The following DMRTC1 variants were observed in gnomAD, a reference collection of about 807,000 sequenced individuals.
DMRTC1 encodes DMRT like family C1, also known as doublesex- and mab-3-related transcription factor C1.
For missense variants in DMRTC1, 9 were observed against 34.6 expected (o/e 0.26, Z 1.86); for synonymous variants, 7 against 14.1 (o/e 0.50, Z 1.13).
In DMRTC1 at chrX:72,881,383, A is replaced by G. The variant is rs1708165836; in HGVS notation, c.-94-5595T>C. On this transcript the variant is annotated intron_variant, in intron 1 of 6. Coordinates refer to ENST00000615063, the MANE Select transcript of DMRTC1 (RefSeq NM_033053.3). ...CTGATGCCTAGATTCACGTTGTCTC[A>G]TTGCTTTATCTCTCAGTAATTTTTT... Among the ~76,000 whole-genome samples, 2 of 16,978 alleles carry G rather than the reference A, an allele frequency of 1.2e-4. 1 individual carries two copies. The highest frequency in any genetic ancestry group is 2.5e-4 in the African/African-American group (2 of 8,137). 14.7% of individuals were successfully genotyped at this position (16,978 alleles called of 115,157 possible). A position where few individuals can be genotyped will look rare whatever the true frequency, so the allele number is the denominator to read the frequency against.
chrX:72,879,147 G>GTTTTTTTTTT (rs781972795), intron 1 of DMRTC1, among the ~76,000 whole-genome samples: 50 of 12,773 alleles, frequency 3.9e-3, no homozygotes, highest in East Asian at 7.8e-3. Context: ...TTTTTTGTTT[G>GTTTTTTTTTT]TTTTTTTTTT....
chrX:72,879,731 T>TTTCC (rs2054835484), intron 1 of DMRTC1, among the ~76,000 whole-genome samples: 1 of 58,749 alleles, frequency 1.7e-5, no homozygotes, highest in Non-Finnish European at 4.2e-5. Flanking sequence ...CTTTCTTTCT[T>TTTCC]TTCCTTTCTT....
At chrX:72,881,914 C>T (rs1167985635) in intron 1 of DMRTC1, among the ~76,000 whole-genome samples, 1 of 114,060 alleles carries the variant, frequency 8.8e-6, no homozygotes, top group African/African-American at 3.2e-5. Context: ...CTCTAGTTAT[C>T]GGTGATGCTG....
chrX:72,886,790 G>A (rs1556353359), intron 1 of DMRTC1, among the ~76,000 whole-genome samples: 1 of 58,465 alleles, frequency 1.7e-5, no homozygotes, highest in African/African-American at 7.8e-5. Context: ...TGGTATTTTG[G>A]GTGGGATTGC....
Position 72,874,826 on chromosome X carries a change from T to C in DMRTC1, c.256A>G (p.Ile86Val). The C allele has an allele frequency of 5.1e-6, 1 of 195,770 alleles. No homozygotes were observed. Among genetic ancestry groups the C allele is most frequent in the Non-Finnish European group, 6.2e-6 (1 of 161,221 alleles). 16.1% of individuals were successfully genotyped at this position (195,770 alleles called of 1,213,427 possible). A position where few individuals can be genotyped will look rare whatever the true frequency, so the allele number is the denominator to read the frequency against. ...DPHRAPALPS[I>V]CSTLILQPCA... ...CTCCATGGTCCTCACGCTACTCACA[T>C]GCTGGGCAGGGCAGGGGCCCTGTGG... Residue 86 changes from isoleucine to valine, a missense_variant and splice_region_variant, in exon 4 of 7, where the codon ATA becomes GTA. Physicochemically the swap from Ile to Val is conservative, Grantham distance 29. Coordinates refer to ENST00000615063, the MANE Select transcript of DMRTC1 (RefSeq NM_033053.3).
rs1452390042 is a variant in DMRTC1, at chrX:72,902,877, T to C, written c.-94-27089A>G. On this transcript the variant is annotated intron_variant, in intron 1 of 6. Transcript: ENST00000615063. Reference sequence around the variant, plus strand: ...AGGGAATACTTCTGAACTCATTCTATGAGTGTTTTCCTGATACCAAAACCA... The same window carrying C: ...AGGGAATACTTCTGAACTCATTCTACGAGTGTTTTCCTGATACCAAAACCA... Among the ~76,000 whole-genome samples the C allele has an allele frequency of 2.2e-4, 12 of 53,572 alleles. 2 individuals carry two copies. The highest frequency in any genetic ancestry group is 1.4e-3 in the African/African-American group (11 of 8,067). The allele number at this position is 53,572 out of a possible 115,157, so 46.5% of individuals were successfully genotyped here.
chrX:72,916,541 C>T lies in DMRTC1; in HGVS notation c.-95+27034G>A, dbSNP rs1248552040. On this transcript the variant is annotated intron_variant, in intron 1 of 6. Transcript: ENST00000615063. ...CCAATCTCCTCCCACACTGCACCCACTGGGGACTTGTTTTGACTGGTAAAA... is the reference window on the plus strand; with the variant it reads ...CCAATCTCCTCCCACACTGCACCCATTGGGGACTTGTTTTGACTGGTAAAA... Among the ~76,000 whole-genome samples, 150 of 90,187 alleles carry T rather than the reference C, an allele frequency of 1.7e-3. 8 individuals are homozygous for T. The highest frequency in any genetic ancestry group is 7.9e-3 in the African/African-American group (142 of 18,046). The allele number at this position is 90,187 out of a possible 115,157, so 78.3% of individuals were successfully genotyped here. A position where few individuals can be genotyped will look rare whatever the true frequency, so the allele number is the denominator to read the frequency against.
At chrX:72,939,805 C>T (rs1201092069) in intron 1 of DMRTC1, among the ~76,000 whole-genome samples, 1 of 113,886 alleles carries the variant, frequency 8.8e-6, no homozygotes, top group African/African-American at 3.2e-5. Flanking sequence ...CTCGAGGACC[C>T]ACTCCCACAG....
chrX:72,872,643 C>T, intron 6 of DMRTC1, 79 bp from the exon 7 acceptor site: 6 of 1,179,800 alleles, frequency 5.1e-6, no homozygotes, highest in Non-Finnish European at 5.7e-6. Context: ...TGCGTCCCGC[C>T]CAACCAAAGA....
At chrX:72,872,892 C>T (rs1486222074) in intron 6 of DMRTC1, among the ~76,000 whole-genome samples, 1 of 66,443 alleles carries the variant, frequency 1.5e-5, no homozygotes, top group African/African-American at 7.2e-5. Flanking sequence ...CCAGCCTCAT[C>T]CCTTTCTGTT....
chrX:72,939,714 C>CA (rs1556357986), intron 1 of DMRTC1, among the ~76,000 whole-genome samples: 1,195 of 84,200 alleles, frequency 0.014, 1 homozygote, highest in African/African-American at 0.052. Flanking sequence ...CTGAGTCCCA[C>CA]GGGTGCTCCC....
intron 1 of DMRTC1, among the ~76,000 whole-genome samples, chrX:72,876,865 CTTTTTTTTTTTT>C (rs5902714): frequency 6.1e-5 from 2 of 32,626 alleles, no homozygotes; most frequent in South Asian, 4.0e-3. Context: ...CCCCCCCGGC[CTTTTTTTTTTTT>C]TTTTTTTTTG....
chrX:72,911,718 A>G (rs1256084767), intron 1 of DMRTC1, among the ~76,000 whole-genome samples: 1 of 113,839 alleles, frequency 8.8e-6, no homozygotes, highest in Non-Finnish European at 1.9e-5. Context: ...AACGGGGGGC[A>G]TAACTTGGCA....
At chrX:72,886,750 AT>A (rs2054879247) in intron 1 of DMRTC1, among the ~76,000 whole-genome samples, 1 of 54,199 alleles carries the variant, frequency 1.8e-5, no homozygotes, top group African/African-American at 8.6e-5. Flanking sequence ...ATTTTAGGAT[AT>A]TTTTTTCTAT....
chrX:72,940,218 AG>A (rs1317063683), intron 1 of DMRTC1, among the ~76,000 whole-genome samples: 28 of 23,002 alleles, frequency 1.2e-3, no homozygotes, highest in African/African-American at 4.7e-3. Context: ...AATGGAGAGC[AG>A]GCGGCTCGGG....
intron 4 of DMRTC1, among the ~76,000 whole-genome samples, chrX:72,874,277 C>T (rs1290597459): frequency 3.5e-4 from 1 of 2,850 alleles, no homozygotes; most frequent in Non-Finnish European, 5.9e-4. Flanking sequence ...CTGGTTCTCA[C>T]TTCCATATTG....
At chrX:72,924,005 C>A (rs2147895807) in intron 1 of DMRTC1, among the ~76,000 whole-genome samples, 1 of 108,174 alleles carries the variant, frequency 9.2e-6, no homozygotes, top group Non-Finnish European at 1.9e-5. Flanking sequence ...GGGGAAACCG[C>A]CCCCAAGATT....
intron 1 of DMRTC1, among the ~76,000 whole-genome samples, chrX:72,877,044 T>A: frequency 9.8e-6 from 1 of 102,509 alleles, no homozygotes; most frequent in South Asian, 4.1e-4. Context: ...ATTTTTTGTA[T>A]TTTTTTTTTT....
chrX:72,872,624 C>A lies in DMRTC1; in HGVS notation c.467-60G>T, dbSNP rs1198101736. On this transcript the variant is annotated intron_variant, in intron 6 of 6. Transcript: ENST00000615063. ...ACATCCACATCCCCTTCCAGATCTA[C>A]TCTTTTTATGCGTCCCGCCCAACCA... 9 of 1,198,840 alleles carry A rather than the reference C, an allele frequency of 7.5e-6. 1 individual carries two copies. In the African/African-American group the frequency reaches 1.6e-4, roughly 22 times the overall value.
Sources: allele counts gnomAD v4.1 joint callset (sites outside exome capture counted in the v4.1 genomes callset), GRCh38; gene constraint gnomAD v4.1.1; transcripts MANE v1.5; gene names NCBI Gene and HGNC (gene_info 2026-07-23, HGNC 2026-07-21).